Variants in WDR7 observed in about 807,000 individuals in gnomAD.
The protein encoded by WDR7 is WD repeat domain 7, also known as WD repeat-containing protein 7.
WDR7 carries 46 observed loss-of-function variants against 169.4 expected under a neutral mutation model. The observed-to-expected ratio is 0.27, with a 90% CI of 0.21 to 0.35. The LOEUF is 0.35. Among genes scored for constraint, WDR7 ranks in the 10% least tolerant of loss-of-function variants. The probability of loss-of-function intolerance (pLI) is 1.00; values close to 1 mark genes in which losing one functional copy is unlikely to be tolerated. For synonymous variants in WDR7, 612 were observed against 666.8 expected (o/e 0.92, Z 1.27); for missense variants, 1,534 against 1,859.3 (o/e 0.83, Z 3.22).
At chr18:56,819,486 C>T (rs1254433100) in intron 20 of WDR7, among the ~76,000 whole-genome samples, 1 of 152,148 alleles carries the variant, frequency 6.6e-6, no homozygotes, top group Admixed American at 6.5e-5. Context: ...ACTTAGCGTT[C>T]TGTCTTGAGG....
intron 26 of WDR7, among the ~76,000 whole-genome samples, chr18:56,992,610 G>A (rs2047834363): frequency 6.6e-6 from 1 of 152,146 alleles, no homozygotes; most frequent in South Asian, 2.1e-4. Context: ...GGGCCACACG[G>A]AACATATAAC....
At chr18:56,966,281 G>T (rs1247845660) in intron 26 of WDR7, among the ~76,000 whole-genome samples, 1 of 151,996 alleles carries the variant, frequency 6.6e-6, no homozygotes, top group East Asian at 1.9e-4. Context: ...GTTACGTCAA[G>T]TGTGCCTTGC....
At chr18:56,919,373 T>C (rs1257809529) in intron 21 of WDR7, among the ~76,000 whole-genome samples, 2 of 152,236 alleles carry the variant, frequency 1.3e-5, no homozygotes, top group Non-Finnish European at 2.9e-5. Flanking sequence ...ATTAACCATT[T>C]TGTGGCCATG....
chr18:56,950,226 C>T (rs979620453), intron 25 of WDR7, among the ~76,000 whole-genome samples: 2 of 152,148 alleles, frequency 1.3e-5, no homozygotes, highest in Non-Finnish European at 2.9e-5. Flanking sequence ...AATGTGTACT[C>T]AAGGGTTGAA....
intron 22 of WDR7, among the ~76,000 whole-genome samples, chr18:56,935,239 A>T (rs914927701): frequency 6.6e-6 from 1 of 152,190 alleles, no homozygotes; most frequent in Non-Finnish European, 1.5e-5. Flanking sequence ...TGTTTAGTAG[A>T]TTGGTTCTAA....
chr18:56,911,558 T>C (rs1195517833), intron 21 of WDR7, among the ~76,000 whole-genome samples: 1 of 152,214 alleles, frequency 6.6e-6, no homozygotes, highest in Non-Finnish European at 1.5e-5. Context: ...CTAGTATCCA[T>C]ATCACAGTGT....
chr18:56,824,431 A>T (rs1263222123), intron 20 of WDR7, among the ~76,000 whole-genome samples: 2 of 152,224 alleles, frequency 1.3e-5, no homozygotes, highest in East Asian at 3.8e-4. Flanking sequence ...TATGCCTAGC[A>T]CTAGAATAGC....
At chr18:56,679,286 A>C in intron 2 of WDR7, 46 bp from the exon 3 acceptor site, 1 of 1,499,024 alleles carries the variant, frequency 6.7e-7, no homozygotes, top group Non-Finnish European at 9.3e-7. Context: ...ATAGAAGGTT[A>C]ATTTTTAAGT....
At chr18:56,825,818 T>C (rs922197658) in intron 20 of WDR7, among the ~76,000 whole-genome samples, 1 of 152,190 alleles carries the variant, frequency 6.6e-6, no homozygotes, top group Non-Finnish European at 1.5e-5. Context: ...AGGAGAAACA[T>C]AGAAATTCAG....
intron 1 of WDR7, among the ~76,000 whole-genome samples, chr18:56,655,164 G>A (rs1416404369): frequency 6.6e-6 from 1 of 152,180 alleles, no homozygotes; most frequent in Non-Finnish European, 1.5e-5. Context: ...GTTTCCTCCA[G>A]TGGTTACATT....
At position 56,827,368 on chromosome 18, in the gene WDR7, T is replaced by C. The variant is rs144682210; in HGVS notation, c.3304+11224T>C. Among the ~76,000 whole-genome samples the C allele has an allele frequency of 7.7e-3, 1,174 of 152,244 alleles. 18 individuals are homozygous for C. Among genetic ancestry groups the C allele is most frequent in the African/African-American group, 0.025 (1,026 of 41,556 alleles). On this transcript the variant is annotated intron_variant, in intron 20 of 27. Transcript: ENST00000254442. ...GGAGCAATGGAGTACTATTCAGCCATAAAAAAGAATGAGACCAATCATTTA... is the reference window on the plus strand; with the variant it reads ...GGAGCAATGGAGTACTATTCAGCCACAAAAAAGAATGAGACCAATCATTTA...
Position 56,924,052 on chromosome 18 carries a change from C to T in WDR7, c.3657C>T (p.Ser1219=), listed in dbSNP as rs2145644001. 8 of 1,613,290 alleles carry T rather than the reference C, an allele frequency of 5.0e-6. No individual in the cohort carries two copies. Among genetic ancestry groups the T allele is most frequent in the Non-Finnish European group, 6.8e-6 (8 of 1,179,740 alleles). Residue 1219 remains serine (S), a synonymous_variant, in exon 22 of 28, where the codon TCC becomes TCT. Coordinates refer to ENST00000254442, the MANE Select transcript of WDR7 (RefSeq NM_015285.3). ...FTVWEPYMDV[S]AVLMGLLELC... Reference sequence around the variant, plus strand: ...TTTGGGAGCCTTACATGGATGTGTCCGCTGTTCTGATGGGGCTTCTCGAAC... The same window carrying T: ...TTTGGGAGCCTTACATGGATGTGTCTGCTGTTCTGATGGGGCTTCTCGAAC...
chr18:57,034,052 G>C (rs1419214914), downstream of WDR7: 1 of 152,252 alleles, frequency 6.6e-6, no homozygotes, highest in Non-Finnish European at 1.5e-5. Flanking sequence ...AGGAGGCTGA[G>C]GCAGGAGAAT....
intron 27 of WDR7, among the ~76,000 whole-genome samples, chr18:57,021,075 C>A (rs1568317211): frequency 1.3e-5 from 2 of 152,200 alleles, no homozygotes; most frequent in South Asian, 2.1e-4. Context: ...TCTCATGGAG[C>A]TTGCAGTCTG....
At chr18:56,702,806 T>A (rs1433656319) in intron 12 of WDR7, among the ~76,000 whole-genome samples, 1 of 152,212 alleles carries the variant, frequency 6.6e-6, no homozygotes, top group African/African-American at 2.4e-5. Context: ...GTAGGGAAAC[T>A]TATTAAAGTG....
chr18:56,985,251 C>T (rs2047697521), intron 26 of WDR7, among the ~76,000 whole-genome samples: 1 of 152,080 alleles, frequency 6.6e-6, no homozygotes. Flanking sequence ...CCAGTGCTAG[C>T]TTTGCATATA....
chr18:56,833,053 C>T (rs147553255), intron 20 of WDR7, among the ~76,000 whole-genome samples: 13 of 151,526 alleles, frequency 8.6e-5, no homozygotes, highest in East Asian at 6.0e-4. Context: ...CCTAAAGGAG[C>T]GTGTTCTAAC....
At chr18:56,856,533 T>C (rs2045724317) in intron 20 of WDR7, among the ~76,000 whole-genome samples, 1 of 151,920 alleles carries the variant, frequency 6.6e-6, no homozygotes, top group African/African-American at 2.4e-5. Context: ...GACTTAGTCT[T>C]TAAAAAAATA....
At chr18:56,991,038 G>A (rs1263099290) in intron 26 of WDR7, among the ~76,000 whole-genome samples, 1 of 151,894 alleles carries the variant, frequency 6.6e-6, no homozygotes, top group Admixed American at 6.6e-5. Flanking sequence ...GTTGCTCACT[G>A]CCTGTTCTCC....
Sources: gnomAD v4.1 joint callset for allele counts (sites outside exome capture counted in the v4.1 genomes callset) on GRCh38, gnomAD v4.1.1 for gene constraint, MANE v1.5 for transcripts, NCBI Gene and HGNC (gene_info 2026-07-23, HGNC 2026-07-21) for gene names.